The following IRF6 variants were observed in gnomAD, a reference collection of about 807,000 sequenced individuals.
IRF6 encodes the protein interferon regulatory factor 6, also known as Van der Woude syndrome.
IRF6 carries 6 observed loss-of-function variants against 51.4 expected under a neutral mutation model. That is an observed-to-expected ratio of 0.12 (90% CI 0.06 to 0.23). The LOEUF (loss-of-function observed/expected upper bound fraction) is 0.23. Ranked by LOEUF, IRF6 falls within the 10% of genes least tolerant of loss-of-function variation. The probability of loss-of-function intolerance (pLI) is 1.00; values close to 1 mark genes in which losing one functional copy is unlikely to be tolerated. For missense variants in IRF6, 348 were observed against 585.2 expected, an observed-to-expected ratio of 0.59 and a Z score of 4.18; for synonymous variants, 178 against 215.7, an observed-to-expected ratio of 0.83 and a Z score of 1.53.
rs955434705 is a variant in IRF6, at chr1:209,801,137, TTC to T, written c.174+101_174+102del. 4 of 1,049,296 alleles carry T rather than the reference TTC, an allele frequency of 3.8e-6. No individual in the cohort carries two copies. In the African/African-American group the frequency reaches 4.9e-5, roughly 13 times the overall value. The allele number at this position is 1,049,296 out of a possible 1,614,324, so 65.0% of individuals were successfully genotyped here. A position where few individuals can be genotyped will look rare whatever the true frequency, so the allele number is the denominator to read the frequency against. Reference sequence around the variant, plus strand: ...AGTTTGGGCACCCCCATCATAAGCATTCTCTCTGTTTCACCAGAGTTTTAGAT... The same window carrying T: ...AGTTTGGGCACCCCCATCATAAGCATTCTCTGTTTCACCAGAGTTTTAGAT... On this transcript the variant is annotated intron_variant, in intron 3 of 8. Transcript: ENST00000367021.
rs188929265 is a variant in IRF6 at position 209,796,837 on chromosome 1, G to C, written c.175-285C>G. 4.2e-4 allele frequency among the ~76,000 whole-genome samples: 64 copies of C among 152,272 alleles called. No homozygotes were observed. Among genetic ancestry groups the C allele is most frequent in the Non-Finnish European group, 7.8e-4 (53 of 68,020 alleles). ...GAACCTTATCTCAAGCACTGGTACCGGCACTCATCAAGACGACAATGCTCT... is the reference window on the plus strand; with the variant it reads ...GAACCTTATCTCAAGCACTGGTACCCGCACTCATCAAGACGACAATGCTCT... On this transcript the variant is annotated intron_variant, in intron 3 of 8. Coordinates refer to ENST00000367021, the MANE Select transcript of IRF6 (RefSeq NM_006147.4). The surrounding 1 kb of genome is among the most constrained non-coding windows in gnomAD (Gnocchi z 4.5).
intron 3 of IRF6, 35 bp downstream of exon 3, chr1:209,801,202 AAAT>A: frequency 1.3e-6 from 2 of 1,538,116 alleles, no homozygotes; most frequent in Non-Finnish European, 1.8e-6. Context: ...AAAAAAAAAA[AAAT>A]CCAGAAAGGT....
intron 1 of IRF6, among the ~76,000 whole-genome samples, chr1:209,803,266 T>A (rs964341919): frequency 6.6e-6 from 1 of 152,164 alleles, no homozygotes; most frequent in Non-Finnish European, 1.5e-5. Flanking sequence ...GATAGGGAAA[T>A]AGGCACCAAA....
chr1:209,804,054 A>G (rs1031989235), intron 1 of IRF6, among the ~76,000 whole-genome samples: 2 of 152,198 alleles, frequency 1.3e-5, no homozygotes, highest in Admixed American at 6.5e-5. Flanking sequence ...ACATTCTCCC[A>G]TATACATTAT....
intron 6 of IRF6, 95 bp downstream of exon 6, chr1:209,792,174 C>T: frequency 2.2e-6 from 3 of 1,380,358 alleles, no homozygotes; most frequent in Non-Finnish European, 3.1e-6. Context: ...GGTAGTTTTT[C>T]AATACATGGC....
rs79863693 is a variant in IRF6 at position 209,788,067 on chromosome 1, A to G, written c.*353T>C. The stretch of plus-strand genomic sequence containing the variant: ...GGATGCAATTTCAGGCACTACTCCA[A>G]TCTCTTCACTTTATAAGCAATAAAT... On this transcript the variant is annotated 3_prime_UTR_variant, in exon 9 of 9. Coordinates refer to ENST00000367021, the MANE Select transcript of IRF6 (RefSeq NM_006147.4). 1,564 of 307,292 alleles carry G rather than the reference A, an allele frequency of 5.1e-3. 31 individuals carry two copies. The highest frequency in any genetic ancestry group is 0.032 in the African/African-American group (1,462 of 45,990). 19.0% of individuals were successfully genotyped at this position (307,292 alleles called of 1,614,324 possible). A position where few individuals can be genotyped will look rare whatever the true frequency, so the allele number is the denominator to read the frequency against.
intron 5 of IRF6, 57 bp from the exon 6 acceptor site, chr1:209,792,484 T>C (rs2077875360): frequency 1.3e-6 from 2 of 1,585,758 alleles, no homozygotes; most frequent in Admixed American, 1.7e-5. Context: ...CATCACTTGC[T>C]GATGCTCTGA....
At chr1:209,800,113 A>G (rs565976155) in intron 3 of IRF6, among the ~76,000 whole-genome samples, 76 of 152,364 alleles carry the variant, frequency 5.0e-4, no homozygotes, top group African/African-American at 1.7e-3. Context: ...AAGGGCAAAC[A>G]AAACTAACTT....
At chr1:209,798,383 C>A (rs916395636) in intron 3 of IRF6, among the ~76,000 whole-genome samples, 1 of 152,224 alleles carries the variant, frequency 6.6e-6, no homozygotes. Flanking sequence ...TGTGCCCACG[C>A]TAACTCTGGC....
chr1:209,804,633 C>T (rs538258783), intron 1 of IRF6, among the ~76,000 whole-genome samples: 53 of 152,244 alleles, frequency 3.5e-4, no homozygotes, highest in African/African-American at 1.2e-3. Flanking sequence ...CTTAAACAGC[C>T]AAAGGACAAT....
chr1:209,804,241 T>C (rs571309092), intron 1 of IRF6, among the ~76,000 whole-genome samples: 2 of 152,318 alleles, frequency 1.3e-5, no homozygotes, highest in African/African-American at 4.8e-5. Context: ...ACATGTCTGA[T>C]TTCATCCTCA....
At chr1:209,798,071 G>C (rs1415314853) in intron 3 of IRF6, among the ~76,000 whole-genome samples, 4 of 152,200 alleles carry the variant, frequency 2.6e-5, no homozygotes, top group African/African-American at 9.7e-5. Flanking sequence ...GCATGAGGAA[G>C]TTTCCTCAAA....
Position 209,790,142 on chromosome 1 carries a change from A to G in IRF6, c.1060+353T>C, listed in dbSNP as rs1293194723. ...CACCACTCAGATAATTCCCAAAAGA[A>G]TATGTGCTATTCTGAACATAACAAA... On this transcript the variant is annotated intron_variant, in intron 7 of 8. Transcript: ENST00000367021. This position sits in a 1 kb window ranked among gnomAD's most constrained non-coding sequence, Gnocchi z 4.8. 1.3e-5 allele frequency among the ~76,000 whole-genome samples: 2 copies of G among 152,254 alleles called. No individual in the cohort carries two copies. Among genetic ancestry groups the G allele is most frequent in the Non-Finnish European group, 2.9e-5 (2 of 68,038 alleles).
At chr1:209,789,179 C>A (rs1025934924) in intron 8 of IRF6, among the ~76,000 whole-genome samples, 1 of 152,020 alleles carries the variant, frequency 6.6e-6, no homozygotes, top group African/African-American at 2.4e-5. Context: ...TAAAATTAGG[C>A]CAGGCATGGT....
chr1:209,799,779 C>A (rs986427858), intron 3 of IRF6, among the ~76,000 whole-genome samples: 4 of 152,230 alleles, frequency 2.6e-5, no homozygotes, highest in African/African-American at 9.6e-5. Context: ...CTTCTCAATG[C>A]CAACTCCAAT....
rs754273525 is a variant in IRF6 at position 209,792,254 on chromosome 1, T to C, written c.667+15A>G. 1 of 1,611,134 alleles carries C rather than the reference T, an allele frequency of 6.2e-7. No homozygotes were observed. The highest frequency in any genetic ancestry group is 1.7e-5 in the Admixed American group (1 of 60,022). On this transcript the variant is annotated intron_variant, in intron 6 of 8. Coordinates refer to ENST00000367021, the MANE Select transcript of IRF6 (RefSeq NM_006147.4). Reference sequence around the variant, plus strand: ...GAAGCAGAAGACCGAGCAAGAAAGATAAAGTCTCACTTACTTGGGAGAGAG... The same window carrying C: ...GAAGCAGAAGACCGAGCAAGAAAGACAAAGTCTCACTTACTTGGGAGAGAG...
chr1:209,794,168 G>A (rs2077886811), intron 5 of IRF6, among the ~76,000 whole-genome samples: 1 of 152,134 alleles, frequency 6.6e-6, no homozygotes, highest in African/African-American at 2.4e-5. Flanking sequence ...CACAGTGGCT[G>A]GACTAATTTA....
intron 5 of IRF6, among the ~76,000 whole-genome samples, chr1:209,794,671 G>A (rs114375791): frequency 1.1e-3 from 175 of 152,324 alleles, no homozygotes; most frequent in African/African-American, 4.0e-3. Flanking sequence ...GCAATTCAAC[G>A]TGTGTTCAAG....
rs1278473658 is a variant in IRF6, at chr1:209,786,267, G to A, written c.*2153C>T. Reference sequence around the variant, plus strand: ...AGAAGCCAAAACAAGGAAGAAACCGGGGTATCTAGTTAAGACCTCACAAAT... The same window carrying A: ...AGAAGCCAAAACAAGGAAGAAACCGAGGTATCTAGTTAAGACCTCACAAAT... On this transcript the variant is annotated 3_prime_UTR_variant, in exon 9 of 9. Transcript: ENST00000367021. 6.6e-6 allele frequency: 1 copy of A among 152,216 alleles called. No individual in the cohort carries two copies. The highest frequency in any genetic ancestry group is 1.5e-5 in the Non-Finnish European group (1 of 68,044). 9.4% of individuals were successfully genotyped at this position (152,216 alleles called of 1,614,324 possible).
Sources: gnomAD v4.1 joint callset for allele counts (sites outside exome capture counted in the v4.1 genomes callset) on GRCh38, gnomAD v4.1.1 for gene constraint, Gnocchi (gnomAD v3.1) non-coding constraint, MANE v1.5 for transcripts, NCBI Gene and HGNC (gene_info 2026-07-23, HGNC 2026-07-21) for gene names.